The following CDKL4 variants were observed in gnomAD, a reference collection of about 807,000 sequenced individuals.
CDKL4 encodes cyclin-dependent kinase-like 4.
In CDKL4, 44 loss-of-function variants were observed where a neutral mutation model predicts 42.0. That is an observed-to-expected ratio of 1.05 (90% CI 0.82 to 1.35). The LOEUF (loss-of-function observed/expected upper bound fraction) is 1.35. Among genes scored for constraint, CDKL4 ranks in the 40% most tolerant of loss-of-function variants. CDKL4 has a pLI of 0.00. For missense variants in CDKL4, 393 were observed against 369.9 expected (o/e 1.06, Z -0.51); for synonymous variants, 120 against 121.6 (o/e 0.99, Z 0.09).
intron 1 of CDKL4, among the ~76,000 whole-genome samples, chr2:39,234,573 G>A (rs1237867949): frequency 6.6e-6 from 1 of 151,950 alleles, no homozygotes; most frequent in Admixed American, 6.6e-5. Flanking sequence ...AAAATTTTCT[G>A]GAAATAAAAT....
At chr2:39,216,022 A>C (rs1677894361) in intron 3 of CDKL4, among the ~76,000 whole-genome samples, 1 of 152,232 alleles carries the variant, frequency 6.6e-6, no homozygotes, top group African/African-American at 2.4e-5. Flanking sequence ...AGGCAGGAAG[A>C]ATAGTATAGC....
chr2:39,193,989 T>C (rs1465193902), intron 5 of CDKL4, among the ~76,000 whole-genome samples: 1 of 152,246 alleles, frequency 6.6e-6, no homozygotes, highest in East Asian at 1.9e-4. Context: ...TTCTCAGTAA[T>C]AAATGGTTCT....
intron 4 of CDKL4, among the ~76,000 whole-genome samples, chr2:39,211,589 C>T (rs1374038297): frequency 2.0e-5 from 3 of 152,072 alleles, no homozygotes; most frequent in East Asian, 1.9e-4. Flanking sequence ...ATCTCATCAC[C>T]CTGAGTGTTG....
At chr2:39,169,462 C>G in the CDKL4 span, among the ~76,000 whole-genome samples, 1 of 152,082 alleles carries the variant, frequency 6.6e-6, no homozygotes, top group Non-Finnish European at 1.5e-5. Context: ...CTCCTGGCTC[C>G]TGGCTAGATC....
At chr2:39,169,706 C>T in the CDKL4 span, among the ~76,000 whole-genome samples, 1 of 152,212 alleles carries the variant, frequency 6.6e-6, no homozygotes. Context: ...GTCAAGGATA[C>T]ACAGAGAGTT....
At chr2:39,226,222 T>C (rs936165378) in intron 2 of CDKL4, among the ~76,000 whole-genome samples, 1 of 151,462 alleles carries the variant, frequency 6.6e-6, no homozygotes, top group African/African-American at 2.4e-5. Context: ...GAGTAGAAAA[T>C]TGAGGAAATG....
intron 3 of CDKL4, among the ~76,000 whole-genome samples, chr2:39,224,724 G>C (rs552986119): frequency 1.3e-5 from 2 of 152,082 alleles, no homozygotes; most frequent in East Asian, 3.9e-4. Context: ...GGCTTGTCTA[G>C]AACACGTGAG....
At position 39,237,190 on chromosome 2, in the gene CDKL4, A is replaced by G. The variant is rs192823350; in HGVS notation, c.-57+6681T>C. 4.6e-5 allele frequency among the ~76,000 whole-genome samples: 7 copies of G among 152,376 alleles called. No individual in the cohort carries two copies. In the East Asian group the frequency reaches 1.3e-3, roughly 29 times the overall value. On this transcript the variant is annotated intron_variant, in intron 1 of 9. Transcript: ENST00000451199. ...ATTAGCAAACCAAATCTGGAAACAT[A>G]AAATAGATTATATACCGTGACTCTG...
At chr2:39,214,448 A>G (rs1245847962) in intron 3 of CDKL4, among the ~76,000 whole-genome samples, 1 of 152,204 alleles carries the variant, frequency 6.6e-6, no homozygotes, top group Non-Finnish European at 1.5e-5. Context: ...ATATGGATAT[A>G]TCATAATTTA....
Position 39,229,521 on chromosome 2 carries a change from A to C in CDKL4, c.12T>G (p.Tyr4Ter), listed in dbSNP as rs754791362. 12 of 1,603,710 alleles carry C rather than the reference A, an allele frequency of 7.5e-6. No individual in the cohort carries two copies. The highest frequency in any genetic ancestry group is 3.5e-5 in the Admixed American group (2 of 56,960). The stretch of plus-strand genomic sequence containing the variant: ...CTTCTCCAGTCTTAGCTAATTTTTC[A>C]TACTTTTCCATTATAGCTGAAGTGA... Residue 4 changes from tyrosine to a stop codon, truncating the protein, a stop_gained, in exon 2 of 10, where the codon TAT becomes TAG. Transcript: ENST00000451199. LOFTEE classifies it high-confidence loss of function.
At chr2:39,209,571 G>C (rs1677454774) in intron 4 of CDKL4, among the ~76,000 whole-genome samples, 1 of 152,160 alleles carries the variant, frequency 6.6e-6, no homozygotes, top group Non-Finnish European at 1.5e-5. Context: ...TGATTCAGCA[G>C]GTCTGTAGTG....
At chr2:39,213,285 T>C in intron 4 of CDKL4, 115 bp downstream of exon 4, 1 of 669,790 alleles carries the variant, frequency 1.5e-6, no homozygotes, top group Non-Finnish European at 2.6e-6. Context: ...TTTGTTTTGC[T>C]TCTTTGGCTC....
chr2:39,181,870 C>A (rs1385010734), intron 8 of CDKL4, among the ~76,000 whole-genome samples: 1 of 152,198 alleles, frequency 6.6e-6, no homozygotes, highest in Non-Finnish European at 1.5e-5. Context: ...CCTGAAAAAG[C>A]AATACAGCCA....
chr2:39,178,529 A>C, intron 9 of CDKL4: 2 of 1,549,992 alleles, frequency 1.3e-6, no homozygotes, highest in Admixed American at 2.0e-5. Flanking sequence ...AACCAAAACA[A>C]ACCTATTTCC....
At chr2:39,179,788 G>A (rs1406202697) in intron 8 of CDKL4, among the ~76,000 whole-genome samples, 1 of 152,188 alleles carries the variant, frequency 6.6e-6, no homozygotes, top group Non-Finnish European at 1.5e-5. Flanking sequence ...ATGCCCATAT[G>A]CTCAGGTTTG....
chr2:39,196,475 C>A (rs1030430188), intron 5 of CDKL4, among the ~76,000 whole-genome samples: 4 of 152,186 alleles, frequency 2.6e-5, no homozygotes, highest in Non-Finnish European at 5.9e-5. Context: ...AAGGGGAGAG[C>A]ACCACATCAA....
At chr2:39,184,678 AC>A in intron 7 of CDKL4, 31 bp from the exon 8 acceptor site, 1 of 1,475,676 alleles carries the variant, frequency 6.8e-7, no homozygotes. Flanking sequence ...ATTCAATATT[AC>A]ATAAGAACAA....
chr2:39,170,784 C>A (rs1674979322), downstream of CDKL4, among the ~76,000 whole-genome samples: 1 of 151,894 alleles, frequency 6.6e-6, no homozygotes, highest in Non-Finnish European at 1.5e-5. Flanking sequence ...TTAATGTTTG[C>A]AAAATTTTAA....
chr2:39,175,673 G>A (rs1486084689), exon 10 of CDKL4: 1 of 180,532 alleles, frequency 5.5e-6, no homozygotes, highest in East Asian at 1.4e-4. Context: ...GATGACACAT[G>A]TAAATCTTTT....
Sources: gnomAD v4.1 joint callset for allele counts (sites outside exome capture counted in the v4.1 genomes callset) on GRCh38, gnomAD v4.1.1 for gene constraint, MANE v1.5 for transcripts, NCBI Gene and HGNC (gene_info 2026-07-23, HGNC 2026-07-21) for gene names.